Variants in LOXL2 observed in about 807,000 individuals in gnomAD.
LOXL2 encodes lysyl oxidase like 2.
Under a neutral mutation model 93.0 loss-of-function variants are expected in LOXL2, and 70 were observed. The observed-to-expected ratio is 0.75, with a 90% CI of 0.62 to 0.92. The LOEUF (loss-of-function observed/expected upper bound fraction) is 0.92. Among genes scored for constraint, LOXL2 ranks in the 40% least tolerant of loss-of-function variants. The probability of loss-of-function intolerance (pLI) is 0.00; values close to 1 mark genes in which losing one functional copy is unlikely to be tolerated. For missense variants in LOXL2, 973 were observed against 1,054.9 expected (o/e 0.92, Z 1.08); for synonymous variants, 438 against 413.2 (o/e 1.06, Z -0.73).
intron 1 of LOXL2, among the ~76,000 whole-genome samples, chr8:23,379,886 C>G (rs1334558321): frequency 6.6e-6 from 1 of 152,250 alleles, no homozygotes; most frequent in Non-Finnish European, 1.5e-5. Flanking sequence ...CTTGCGCTTC[C>G]TGGGTGAGGG....
At chr8:23,359,007 A>AT (rs993528134) in intron 3 of LOXL2, among the ~76,000 whole-genome samples, 19 of 150,418 alleles carry the variant, frequency 1.3e-4, no homozygotes, top group African/African-American at 2.7e-4. Context: ...ACGTCTGGCT[A>AT]TTTTTTTTTC....
chr8:23,346,201 AAAAT>A (rs201374923), intron 3 of LOXL2, among the ~76,000 whole-genome samples: 37,439 of 139,476 alleles, frequency 0.27, 5,952 homozygotes, highest in African/African-American at 0.42. Context: ...AAAATAAAAT[AAAAT>A]AAATAAAATA....
intron 2 of LOXL2, among the ~76,000 whole-genome samples, chr8:23,361,390 C>T (rs952683441): frequency 5.3e-5 from 8 of 152,106 alleles, no homozygotes; most frequent in Admixed American, 3.9e-4. Flanking sequence ...GACTGGCCCA[C>T]GGAGCCACCT....
chr8:23,357,350 A>G (rs1804217325), intron 3 of LOXL2, among the ~76,000 whole-genome samples: 1 of 152,178 alleles, frequency 6.6e-6, no homozygotes, highest in South Asian at 2.1e-4. Flanking sequence ...AATTACGGGC[A>G]TGAGCCACTG....
In LOXL2 at chr8:23,319,872, C is replaced by G; in HGVS notation, c.1470+13G>C. The G allele has an allele frequency of 6.2e-6, 10 of 1,611,608 alleles. No homozygotes were observed. The highest frequency in any genetic ancestry group is 8.5e-6 in the Non-Finnish European group (10 of 1,179,486). ...GGGGGGTGAATGCGGGGTCTGAGGC[C>G]GGGGCTTCTCACCTGGAAGGCGTTG... On this transcript the variant is annotated intron_variant, in intron 8 of 13. Coordinates refer to ENST00000389131, the MANE Select transcript of LOXL2 (RefSeq NM_002318.3).
chr8:23,316,973 C>T lies in LOXL2; in HGVS notation c.1612G>A (p.Gly538Arg), dbSNP rs373023981. The T allele has an allele frequency of 4.2e-5, 68 of 1,610,050 alleles. 1 individual carries two copies. Among genetic ancestry groups the T allele is most frequent in the Non-Finnish European group, 5.3e-5 (62 of 1,177,688 alleles). The change falls in exon 9 of 14, where the codon GGG becomes AGG. Residue 538 changes from glycine to arginine, a missense_variant. Gly to Arg is a moderately radical substitution (Grantham distance 125). Coordinates refer to ENST00000389131, the MANE Select transcript of LOXL2 (RefSeq NM_002318.3). ...CTTTCTGAGCAGGCAACTCCGGCCC[C>T]GTACTGCACTCCGCCCTGGGGGCAG... ...VACPQGGVQY[G>R]AGVACSETAP...
At chr8:23,311,942 G>A (rs4278162) in intron 9 of LOXL2, among the ~76,000 whole-genome samples, 118,528 of 152,090 alleles carry the variant, frequency 0.78, 46,285 homozygotes, top group South Asian at 0.87. Context: ...ATTCGAGGAA[G>A]TAACACTAAG....
chr8:23,328,925 A>T (rs4523258), intron 5 of LOXL2: 1 of 200,154 alleles, frequency 5.0e-6, no homozygotes, highest in African/African-American at 2.3e-5. Context: ...CACGTCCCCC[A>T]CCAACTCCAG....
At chr8:23,335,090 C>T (rs1360411864) in intron 4 of LOXL2, among the ~76,000 whole-genome samples, 1 of 152,032 alleles carries the variant, frequency 6.6e-6, no homozygotes, top group Non-Finnish European at 1.5e-5. Flanking sequence ...GTTGGGATTA[C>T]AGGGATGAGC....
At chr8:23,346,159 A>T (rs1306029003) in intron 3 of LOXL2, among the ~76,000 whole-genome samples, 2 of 92,692 alleles carry the variant, frequency 2.2e-5, no homozygotes, top group African/African-American at 3.7e-5. Context: ...AATAAAATAA[A>T]AAATAAAATA....
chr8:23,325,834 G>A (rs1036281882), intron 6 of LOXL2, among the ~76,000 whole-genome samples: 1 of 152,202 alleles, frequency 6.6e-6, no homozygotes, highest in African/African-American at 2.4e-5. Context: ...TGCGGGCAGG[G>A]GTCCTAAGGC....
intron 1 of LOXL2, among the ~76,000 whole-genome samples, chr8:23,381,889 C>A (rs1804685670): frequency 6.6e-6 from 1 of 152,198 alleles, no homozygotes; most frequent in Non-Finnish European, 1.5e-5. Context: ...CTGACTGGGC[C>A]CCCAAGCCTA....
intron 2 of LOXL2, among the ~76,000 whole-genome samples, chr8:23,361,816 G>C (rs183389969): frequency 6.6e-6 from 1 of 152,114 alleles, no homozygotes; most frequent in Non-Finnish European, 1.5e-5. Context: ...CTCCAGCCTG[G>C]TGACAGAGCA....
At position 23,354,950 on chromosome 8, in the gene LOXL2, T is replaced by TATATATATATA. The variant is rs1491334754; in HGVS notation, c.531+5139_531+5140insTATATATATAT. On this transcript the variant is annotated intron_variant, in intron 3 of 13. Coordinates refer to ENST00000389131, the MANE Select transcript of LOXL2 (RefSeq NM_002318.3). ...GAGTTGGAATATATATATATATATATTTTTTTTTTTTTTTTTTTTTTTTTT... is the reference window on the plus strand; with the variant it reads ...GAGTTGGAATATATATATATATATATATATATATATATTTTTTTTTTTTTTTTTTTTTTTTT... 8.6e-3 allele frequency among the ~76,000 whole-genome samples: 152 copies of TATATATATATA among 17,740 alleles called. 1 individual carries two copies. Among genetic ancestry groups the TATATATATATA allele is most frequent in the East Asian group, 0.012 (3 of 242 alleles). 11.6% of individuals were successfully genotyped at this position (17,740 alleles called of 152,430 possible).
chr8:23,300,949 G>C (rs544394615), intron 12 of LOXL2, among the ~76,000 whole-genome samples: 1 of 152,316 alleles, frequency 6.6e-6, no homozygotes, highest in East Asian at 1.9e-4. Context: ...GCCTCTCCAA[G>C]TCTGTGGTTC....
chr8:23,344,887 C>T (rs939744436), intron 3 of LOXL2, among the ~76,000 whole-genome samples: 7 of 152,156 alleles, frequency 4.6e-5, no homozygotes, highest in African/African-American at 1.7e-4. Context: ...CTTTAAGGCT[C>T]AAATCTACCG....
At chr8:23,351,077 C>T (rs6987058) in intron 3 of LOXL2, among the ~76,000 whole-genome samples, 46,469 of 151,776 alleles carry the variant, frequency 0.31, 9,274 homozygotes, top group African/African-American at 0.57. Context: ...GGATGGTAAG[C>T]TCAGGATGGG....
At chr8:23,326,621 G>C (rs1270939956) in intron 6 of LOXL2, among the ~76,000 whole-genome samples, 1 of 152,178 alleles carries the variant, frequency 6.6e-6, no homozygotes, top group Non-Finnish European at 1.5e-5. Flanking sequence ...GGGTGTGGTG[G>C]TGCACACCCA....
chr8:23,346,554 T>C (rs11988125), intron 3 of LOXL2, among the ~76,000 whole-genome samples: 61,738 of 151,968 alleles, frequency 0.41, 13,386 homozygotes, highest in African/African-American at 0.57. Flanking sequence ...TGACATTTCA[T>C]ATTTGCAGCA....
Sources: allele counts gnomAD v4.1 joint callset (sites outside exome capture counted in the v4.1 genomes callset), GRCh38; gene constraint gnomAD v4.1.1; transcripts MANE v1.5; gene names NCBI Gene and HGNC (gene_info 2026-07-23, HGNC 2026-07-21).